C8orf34: variants seen among roughly 807,000 people sequenced by gnomAD.
C8orf34 encodes the protein uncharacterized protein C8orf34.
A neutral mutation model predicts 68.3 loss-of-function variants in C8orf34; 65 were observed. The ratio of observed to expected loss-of-function variants is 0.95; its 90% confidence interval spans 0.78 to 1.17. The LOEUF is 1.17. C8orf34 is among the 50% of genes most tolerant of loss of function. C8orf34 has a pLI of 0.00. For synonymous variants in C8orf34, 244 were observed against 241.2 expected, an observed-to-expected ratio of 1.01 and a Z score of -0.11; for missense variants, 664 against 655.4, an observed-to-expected ratio of 1.01 and a Z score of -0.14.
intron 10 of C8orf34, among the ~76,000 whole-genome samples, chr8:68,739,723 A>T (rs1012533665): frequency 9.2e-5 from 14 of 152,172 alleles, no homozygotes; most frequent in African/African-American, 3.1e-4. Flanking sequence ...CATTATTCAC[A>T]GAACTAGAAA....
chr8:68,459,525 C>T (rs1811699035), intron 3 of C8orf34, among the ~76,000 whole-genome samples: 1 of 152,042 alleles, frequency 6.6e-6, no homozygotes, highest in Non-Finnish European at 1.5e-5. Context: ...GCCACCGTGC[C>T]CGGCTGAAAA....
intron 10 of C8orf34, among the ~76,000 whole-genome samples, chr8:68,751,670 A>G (rs932813399): frequency 6.6e-6 from 1 of 152,144 alleles, no homozygotes; most frequent in Non-Finnish European, 1.5e-5. Context: ...AATAGTTGTT[A>G]GAAAAACATG....
rs188741006 is a variant in C8orf34 at position 68,560,820 on chromosome 8, G to A, written c.1105+27671G>A. 7.9e-4 allele frequency among the ~76,000 whole-genome samples: 120 copies of A among 152,156 alleles called. 2 individuals carry two copies. Among genetic ancestry groups the A allele is most frequent in the Middle Eastern group, 3.4e-3 (1 of 294 alleles). On this transcript the variant is annotated intron_variant, in intron 7 of 13. Transcript: ENST00000518698. ...TGAGTCAAGTGAGTGGTGAGTAAAC[G>A]TGAAGGCCTAGGACATCACTGTACA...
chr8:68,450,853 C>A (rs1052673497), intron 3 of C8orf34, among the ~76,000 whole-genome samples: 7 of 152,220 alleles, frequency 4.6e-5, no homozygotes, highest in Admixed American at 6.5e-5. Context: ...AACTTAAAGT[C>A]ACCAGCTGCA....
At chr8:68,723,532 G>A (rs539723678) in intron 10 of C8orf34, among the ~76,000 whole-genome samples, 1 of 152,202 alleles carries the variant, frequency 6.6e-6, no homozygotes, top group South Asian at 2.1e-4. Context: ...ATAACCTACT[G>A]TTGCATTAAT....
At chr8:68,699,531 T>G (rs908745577) in intron 8 of C8orf34, among the ~76,000 whole-genome samples, 3 of 152,100 alleles carry the variant, frequency 2.0e-5, no homozygotes, top group Non-Finnish European at 2.9e-5. Flanking sequence ...CATAATAACC[T>G]GGCCAAGGTA....
intron 5 of C8orf34, 87 bp downstream of exon 5, chr8:68,488,138 A>T: frequency 1.0e-6 from 1 of 966,046 alleles, no homozygotes; most frequent in Non-Finnish European, 1.5e-6. Context: ...TTTCTGAAAC[A>T]TAAAATGTTC....
At chr8:68,456,871 G>A (rs1811576434) in intron 3 of C8orf34, among the ~76,000 whole-genome samples, 2 of 152,146 alleles carry the variant, frequency 1.3e-5, no homozygotes, top group South Asian at 4.1e-4. Context: ...ATTTGATGAA[G>A]GTTTTGCCTT....
intron 10 of C8orf34, among the ~76,000 whole-genome samples, chr8:68,757,420 A>C (rs1020442972): frequency 6.6e-6 from 1 of 152,154 alleles, no homozygotes; most frequent in East Asian, 1.9e-4. Context: ...ACCTGAGGTC[A>C]GGAGTTCAAG....
At chr8:68,441,417 T>A (rs1217053608) in intron 2 of C8orf34, among the ~76,000 whole-genome samples, 4 of 152,158 alleles carry the variant, frequency 2.6e-5, no homozygotes, top group Non-Finnish European at 4.4e-5. Flanking sequence ...TAGCAGCAGT[T>A]TACTAATTCT....
chr8:68,417,578 A>G (rs1171371299), intron 1 of C8orf34, among the ~76,000 whole-genome samples: 1 of 152,178 alleles, frequency 6.6e-6, no homozygotes, highest in Non-Finnish European at 1.5e-5. Flanking sequence ...ATAAGAACCT[A>G]TATTATTCTT....
At chr8:68,731,626 T>TA (rs965755422) in intron 10 of C8orf34, among the ~76,000 whole-genome samples, 82 of 150,254 alleles carry the variant, frequency 5.5e-4, no homozygotes, top group African/African-American at 1.7e-3. Context: ...TTCTGAAAGT[T>TA]AAAAAAAAAA....
chr8:68,756,771 T>G (rs1485910155), intron 10 of C8orf34, among the ~76,000 whole-genome samples: 2 of 152,158 alleles, frequency 1.3e-5, no homozygotes, highest in African/African-American at 4.8e-5. Context: ...AAAAACTGTA[T>G]CAGTAAATAA....
At chr8:68,534,848 A>T in intron 7 of C8orf34, 1 of 985,394 alleles carries the variant, frequency 1.0e-6, no homozygotes, top group Non-Finnish European at 1.2e-6. Flanking sequence ...TAGTCTCCCA[A>T]GCTGAAGACC....
chr8:68,577,366 A>G (rs1424441730), intron 7 of C8orf34, among the ~76,000 whole-genome samples: 2 of 152,022 alleles, frequency 1.3e-5, no homozygotes, highest in African/African-American at 4.8e-5. Context: ...AGGAATTATC[A>G]TATAGGTGCT....
chr8:68,793,883 G>T lies in C8orf34; in HGVS notation c.1549+6347G>T, dbSNP rs183186998. Among the ~76,000 whole-genome samples, 24 of 152,192 alleles carry T rather than the reference G, an allele frequency of 1.6e-4. No individual in the cohort carries two copies. In the East Asian group the frequency reaches 4.4e-3, roughly 28 times the overall value. On this transcript the variant is annotated intron_variant, in intron 12 of 13. Transcript: ENST00000518698. ...AGTATTAATTTCCAATAGAAAACAG[G>T]AAATGAGGGGGAGAAAAATATGGTA...
intron 7 of C8orf34, among the ~76,000 whole-genome samples, chr8:68,536,358 C>CAAAAAAAAAAAAAAAAAAA (rs10696903): frequency 1.0e-4 from 5 of 49,226 alleles, no homozygotes; most frequent in Non-Finnish European, 1.1e-4. Context: ...GACCCTATCT[C>CAAAAAAAAAAAAAAAAAAA]AAAAAAAAAA....
At position 68,575,965 on chromosome 8, in the gene C8orf34, T is replaced by G. The variant is rs867469460; in HGVS notation, c.1105+42816T>G. 9.1e-3 allele frequency among the ~76,000 whole-genome samples: 1,374 copies of G among 150,562 alleles called. 22 individuals carry two copies. Among genetic ancestry groups the G allele is most frequent in the African/African-American group, 0.032 (1,301 of 40,938 alleles). On this transcript the variant is annotated intron_variant, in intron 7 of 13. Transcript: ENST00000518698. ...ATGCTAGTAGATGGTTGTTTTTTTTTTTTTTTTTTTTTGCCTTTGCTACTT... is the reference window on the plus strand; with the variant it reads ...ATGCTAGTAGATGGTTGTTTTTTTTGTTTTTTTTTTTTGCCTTTGCTACTT...
At chr8:68,368,299 T>G (rs1807403913) in intron 1 of C8orf34, among the ~76,000 whole-genome samples, 1 of 152,186 alleles carries the variant, frequency 6.6e-6, no homozygotes, top group South Asian at 2.1e-4. Flanking sequence ...GAATTTTCAG[T>G]GTAAAGAGGC....
Sources: gnomAD v4.1 joint callset for allele counts (sites outside exome capture counted in the v4.1 genomes callset) on GRCh38, gnomAD v4.1.1 for gene constraint, MANE v1.5 for transcripts, NCBI Gene and HGNC (gene_info 2026-07-23, HGNC 2026-07-21) for gene names.